Variants in ABCB4 observed in about 807,000 individuals in gnomAD.
ABCB4 encodes the protein phosphatidylcholine translocator ABCB4.
ABCB4 carries 76 observed loss-of-function variants against 145.7 expected under a neutral mutation model. The ratio of observed to expected loss-of-function variants is 0.52; its 90% CI spans 0.43 to 0.63. The LOEUF (loss-of-function observed/expected upper bound fraction) is 0.63. Ranked by LOEUF, ABCB4 falls within the 30% of genes least tolerant of loss-of-function variation. The probability of loss-of-function intolerance (pLI) is 0.00; values close to 1 mark genes in which losing one functional copy is unlikely to be tolerated. For synonymous variants in ABCB4, 517 were observed against 566.8 expected, an observed-to-expected ratio of 0.91 and a Z score of 1.25; for missense variants, 1,234 against 1,553.1, an observed-to-expected ratio of 0.79 and a Z score of 3.45.
chr7:87,466,568 G>A (rs1397717413), intron 3 of ABCB4, among the ~76,000 whole-genome samples: 3 of 152,076 alleles, frequency 2.0e-5, no homozygotes, highest in South Asian at 2.1e-4. Flanking sequence ...GATACTCCTC[G>A]AGAACAGCAA....
Position 87,423,830 on chromosome 7 carries a change from A to C in ABCB4, c.2211+76T>G, listed in dbSNP as rs181664605. 177 of 1,576,158 alleles carry C rather than the reference A, an allele frequency of 1.1e-4. 1 individual carries two copies. Among genetic ancestry groups the C allele is most frequent in the Non-Finnish European group, 1.5e-4 (172 of 1,145,920 alleles). ...GGCTGCTTAATCCCAGAATGGAGCC[A>C]GTCAGTGAGGTTGGGAGAAGCAGCA... On this transcript the variant is annotated intron_variant, in intron 17 of 27. Coordinates refer to ENST00000649586, the MANE Select transcript of ABCB4 (RefSeq NM_000443.4).
At chr7:87,457,181 G>A (rs908515757) in intron 4 of ABCB4, among the ~76,000 whole-genome samples, 14 of 152,246 alleles carry the variant, frequency 9.2e-5, no homozygotes, top group African/African-American at 3.4e-4. Context: ...CACTTTGGGA[G>A]GCTGAGGCGG....
the ABCB4 span, among the ~76,000 whole-genome samples, chr7:87,373,409 A>C: frequency 1.3e-5 from 2 of 152,024 alleles, no homozygotes; most frequent in African/African-American, 4.8e-5. Context: ...TTGATGCACA[A>C]TATTTTTCGT....
intron 4 of ABCB4, among the ~76,000 whole-genome samples, chr7:87,459,489 G>C (rs529083703): frequency 3.5e-4 from 53 of 152,066 alleles, no homozygotes; most frequent in African/African-American, 1.3e-3. Context: ...CCCTTCAAAA[G>C]GCTGAATAAT....
chr7:87,382,831 C>G, the ABCB4 span, among the ~76,000 whole-genome samples: 4 of 152,156 alleles, frequency 2.6e-5, no homozygotes, highest in South Asian at 2.1e-4. Context: ...GGTTTTCTTG[C>G]AACGTCAGTT....
intron 9 of ABCB4, 41 bp from the exon 10 acceptor site, chr7:87,445,016 G>C: frequency 7.6e-7 from 1 of 1,307,204 alleles, no homozygotes; most frequent in Non-Finnish European, 1.1e-6. Context: ...GTCACATTCT[G>C]GCATTCATTA....
chr7:87,392,530 G>A, the ABCB4 span: 6 of 1,545,788 alleles, frequency 3.9e-6, no homozygotes, highest in Non-Finnish European at 4.5e-6. Flanking sequence ...GTTTTGCACA[G>A]TGTGTTATTG....
the ABCB4 span, chr7:87,391,721 T>G: frequency 6.3e-7 from 1 of 1,598,684 alleles, no homozygotes; most frequent in Non-Finnish European, 8.5e-7. Flanking sequence ...ATGTGAGTAT[T>G]GGAAAGGAAA....
Position 87,412,014 on chromosome 7 carries a change from G to T in ABCB4, c.2803C>A (p.His935Asn), listed in dbSNP as rs1403065170. The stretch of plus-strand genomic sequence containing the variant: ...ATACTAAAAGTAATTCCATAGATGT[G>T]TGCCTTCTGCACAGAATTCCTGAAA... ...GPYRNSVQKAHIYGITFSISQ... is the reference protein window; with the variant it reads ...GPYRNSVQKANIYGITFSISQ... The change falls in exon 23 of 28, where the codon CAC becomes AAC. Residue 935 changes from histidine to asparagine, a missense_variant. His to Asn is a moderately conservative substitution (Grantham distance 68). Coordinates refer to ENST00000649586, the MANE Select transcript of ABCB4 (RefSeq NM_000443.4). 1.9e-6 allele frequency: 3 copies of T among 1,613,816 alleles called. No homozygotes were observed. The highest frequency in any genetic ancestry group is 1.1e-5 in the South Asian group (1 of 91,080).
chr7:87,465,990 G>T (rs575059534), intron 3 of ABCB4, among the ~76,000 whole-genome samples: 1 of 152,314 alleles, frequency 6.6e-6, no homozygotes, highest in African/African-American at 2.4e-5. Flanking sequence ...AAATCAGAGC[G>T]CCTCTCCTCC....
chr7:87,436,783 C>T (rs1810636453), intron 14 of ABCB4, among the ~76,000 whole-genome samples: 1 of 152,132 alleles, frequency 6.6e-6, no homozygotes, highest in African/African-American at 2.4e-5. Flanking sequence ...CCAAGGACTG[C>T]TATGAGCTTT....
At chr7:87,409,543 T>C in intron 23 of ABCB4, 151 bp from the exon 24 acceptor site, 1 of 831,278 alleles carries the variant, frequency 1.2e-6, no homozygotes, top group Non-Finnish European at 1.9e-6. Context: ...AAAATTCTAG[T>C]AACAAGAGAA....
At chr7:87,421,220 G>A (rs927688182) in intron 18 of ABCB4, among the ~76,000 whole-genome samples, 4 of 152,150 alleles carry the variant, frequency 2.6e-5, no homozygotes, top group South Asian at 2.1e-4. Context: ...GAGGGCACAC[G>A]GGGGAGTGCA....
intron 26 of ABCB4, chr7:87,406,060 T>C (rs1808161104): frequency 3.4e-6 from 2 of 587,752 alleles, no homozygotes; most frequent in East Asian, 5.9e-5. Flanking sequence ...ACCACCAGTC[T>C]GTAACCTGAA....
At chr7:87,377,205 T>G in the ABCB4 span, 1 of 519,308 alleles carries the variant, frequency 1.9e-6, no homozygotes, top group Non-Finnish European at 3.4e-6. Flanking sequence ...CACATATCAG[T>G]GTTGCTGATC....
chr7:87,389,490 G>A, the ABCB4 span, among the ~76,000 whole-genome samples: 1 of 152,080 alleles, frequency 6.6e-6, no homozygotes, highest in Non-Finnish European at 1.5e-5. Context: ...GGATGAAGCT[G>A]GAAACCATCA....
At chr7:87,409,524 C>A in intron 23 of ABCB4, 132 bp from the exon 24 acceptor site, 2 of 902,114 alleles carry the variant, frequency 2.2e-6, no homozygotes, top group South Asian at 1.5e-5. Flanking sequence ...CCCCGACATA[C>A]ATTTTCATAA....
intron 3 of ABCB4, among the ~76,000 whole-genome samples, chr7:87,464,252 G>A (rs1812698956): frequency 6.6e-6 from 1 of 152,162 alleles, no homozygotes; most frequent in Non-Finnish European, 1.5e-5. Flanking sequence ...ATTTCCAGGA[G>A]TTCAGGCAAG....
the ABCB4 span, among the ~76,000 whole-genome samples, chr7:87,381,179 T>C: frequency 6.6e-6 from 1 of 152,202 alleles, no homozygotes; most frequent in Non-Finnish European, 1.5e-5. Flanking sequence ...TCATGAATGA[T>C]ATCTGTGTCT....
Sources: allele counts gnomAD v4.1 joint callset (sites outside exome capture counted in the v4.1 genomes callset), GRCh38; gene constraint gnomAD v4.1.1; transcripts MANE v1.5; gene names NCBI Gene and HGNC (gene_info 2026-07-23, HGNC 2026-07-21).